Variants in GFI1B observed in about 807,000 individuals in gnomAD.
GFI1B encodes the protein zinc finger protein Gfi-1b.
GFI1B carries 20 observed loss-of-function variants against 35.3 expected under a neutral mutation model. That is an observed-to-expected ratio of 0.57 (90% CI 0.40 to 0.82). GFI1B has a LOEUF of 0.82. GFI1B is among the 40% of genes least tolerant of loss of function. The probability of loss-of-function intolerance (pLI) is 0.00; values close to 1 mark genes in which losing one functional copy is unlikely to be tolerated. For synonymous variants in GFI1B, 178 were observed against 177.6 expected, an observed-to-expected ratio of 1.00 and a Z score of -0.02; for missense variants, 430 against 446.3, an observed-to-expected ratio of 0.96 and a Z score of 0.33.
At chr9:132,959,317 C>T (rs1848330890) in intron 1 of GFI1B, among the ~76,000 whole-genome samples, 2 of 152,162 alleles carry the variant, frequency 1.3e-5, no homozygotes, top group Admixed American at 1.3e-4. Context: ...CTCCTTCCTG[C>T]CGCCACTTGA....
upstream of GFI1B, among the ~76,000 whole-genome samples, chr9:132,975,658 T>C (rs1333152731): frequency 6.6e-6 from 1 of 152,198 alleles, no homozygotes; most frequent in Non-Finnish European, 1.5e-5. Flanking sequence ...TGGTGCCTTG[T>C]TGTGGGCACT....
At chr9:132,987,556 G>A in intron 3 of GFI1B, 137 bp downstream of exon 3, 1 of 990,938 alleles carries the variant, frequency 1.0e-6, no homozygotes, top group Non-Finnish European at 1.5e-6. Context: ...CCCGGGCTCT[G>A]TGGCTTCTGC....
chr9:132,991,201 C>A lies in GFI1B; in HGVS notation c.*151C>A. ...TGAGACTCATGAAATTGCTGTGTGA[C>A]CTTGGGCAAGTCACTTACCCTGTCT... On this transcript the variant is annotated 3_prime_UTR_variant, in exon 7 of 7. Transcript: ENST00000372122. The A allele has an allele frequency of 1.4e-6, 1 of 719,166 alleles. No individual in the cohort carries two copies. The highest frequency in any genetic ancestry group is 2.4e-6 in the Non-Finnish European group (1 of 418,790). The allele number at this position is 719,166 out of a possible 1,614,324, so 44.5% of individuals were successfully genotyped here. A position where few individuals can be genotyped will look rare whatever the true frequency, so the allele number is the denominator to read the frequency against.
intron 1 of GFI1B, among the ~76,000 whole-genome samples, chr9:132,950,477 C>A (rs576285687): frequency 1.3e-5 from 2 of 151,272 alleles, no homozygotes; most frequent in African/African-American, 4.9e-5. Context: ...ATAAGAGGGC[C>A]CTTGAAACCT....
In GFI1B at chr9:132,971,132, G is replaced by A. The variant is rs114410779; in HGVS notation, c.-700-1593G>A. Reference sequence around the variant, plus strand: ...CTCCCACGTCAGTCCCCAAAGTGCTGGGATTATGGGTGTGAGCCACTGCGC... The same window carrying A: ...CTCCCACGTCAGTCCCCAAAGTGCTAGGATTATGGGTGTGAGCCACTGCGC... On this transcript the variant is annotated intron_variant, in intron 1 of 10. Coordinates refer to the GFI1B transcript ENST00000339463. Among the ~76,000 whole-genome samples the A allele has an allele frequency of 2.0e-3, 310 of 152,328 alleles. 2 individuals carry two copies. Among genetic ancestry groups the A allele is most frequent in the African/African-American group, 7.0e-3 (290 of 41,566 alleles).
chr9:132,991,924 G>GGGCGGTATCCGTTTCCTGT (rs1849307454), downstream of GFI1B, among the ~76,000 whole-genome samples: 1 of 152,102 alleles, frequency 6.6e-6, no homozygotes, highest in Non-Finnish European at 1.5e-5. Context: ...AGTGCAGCTG[G>GGGCGGTATCCGTTTCCTGT]GGCGGTATCC....
intron 1 of GFI1B, among the ~76,000 whole-genome samples, chr9:132,959,151 G>A (rs114275694): frequency 5.3e-5 from 8 of 152,256 alleles, no homozygotes; most frequent in South Asian, 2.1e-4. Context: ...CATCTTGAAC[G>A]GTAGTTCCCA....
chr9:132,987,445 T>TC (rs2132642873), intron 3 of GFI1B, 26 bp downstream of exon 3: 1 of 1,613,956 alleles, frequency 6.2e-7, no homozygotes, highest in East Asian at 2.2e-5. Context: ...CCACTGTCAT[T>TC]CCCCAGGGAG....
intron 1 of GFI1B, among the ~76,000 whole-genome samples, chr9:132,956,581 TA>T (rs1407163212): frequency 6.6e-6 from 1 of 152,234 alleles, no homozygotes; most frequent in African/African-American, 2.4e-5. Flanking sequence ...GTGCACCCTT[TA>T]AAATGTACCA....
Position 132,989,202 on chromosome 9 carries a change from G to T in GFI1B, c.648+4G>T, listed in dbSNP as rs200207746. ...GCACACGCACGTCCACTCCCAGGTG[G>T]GCACCTGGCCCAGCGCAGGACTCCC... On this transcript the variant is annotated splice_donor_region_variant and intron_variant, in intron 5 of 6. Transcript: ENST00000372122. The surrounding 1 kb of genome is among the most constrained non-coding windows in gnomAD (Gnocchi z 6.2). 71 of 1,611,322 alleles carry T rather than the reference G, an allele frequency of 4.4e-5. No individual in the cohort carries two copies. Among genetic ancestry groups the T allele is most frequent in the Non-Finnish European group, 5.9e-5 (70 of 1,178,876 alleles).
chr9:132,980,303 A>G (rs991398950), intron 1 of GFI1B, among the ~76,000 whole-genome samples: 2 of 152,134 alleles, frequency 1.3e-5, no homozygotes. Flanking sequence ...ACCCAGGGAA[A>G]ACAGCCTGAT....
intron 1 of GFI1B, chr9:132,972,659 A>G (rs572661815): frequency 1.3e-5 from 2 of 152,386 alleles, no homozygotes; most frequent in African/African-American, 2.4e-5. Flanking sequence ...AACTCTGATC[A>G]TATATTACTC....
At chr9:132,950,980 G>A (rs567291789) in intron 1 of GFI1B, among the ~76,000 whole-genome samples, 1 of 152,008 alleles carries the variant, frequency 6.6e-6, no homozygotes, top group South Asian at 2.1e-4. Context: ...TGGGACCACA[G>A]GAGTGTGGTA....
chr9:132,953,009 A>G (rs540612392), intron 1 of GFI1B: 71 of 152,188 alleles, frequency 4.7e-4, no homozygotes, highest in African/African-American at 1.6e-3. Flanking sequence ...TTTATTAAGG[A>G]TTTTTGCATT....
chr9:132,974,777 T>A (rs768962044), upstream of GFI1B, among the ~76,000 whole-genome samples: 10 of 149,092 alleles, frequency 6.7e-5, no homozygotes, highest in Non-Finnish European at 1.3e-4. Context: ...AAGACCTGGA[T>A]GACAAGAAGG....
chr9:132,962,296 C>T (rs1848379998), intron 1 of GFI1B, among the ~76,000 whole-genome samples: 1 of 151,954 alleles, frequency 6.6e-6, no homozygotes, highest in Admixed American at 6.6e-5. Context: ...AGCCACCATG[C>T]CTGGCTAATT....
At position 132,986,677 on chromosome 9, in the gene GFI1B, A is replaced by C. The variant is rs1564534703; in HGVS notation, c.-2A>C. On this transcript the variant is annotated 5_prime_UTR_variant, in exon 2 of 7. Coordinates refer to ENST00000372122, the MANE Select transcript of GFI1B (RefSeq NM_001377304.1). Reference sequence around the variant, plus strand: ...CTTGCAGGTGTGGGGTGCACACTGAAAATGCCACGCTCCTTCCTGGTGAAG... The same window carrying C: ...CTTGCAGGTGTGGGGTGCACACTGACAATGCCACGCTCCTTCCTGGTGAAG... 3 of 1,605,134 alleles carry C rather than the reference A, an allele frequency of 1.9e-6. No individual in the cohort carries two copies. The highest frequency in any genetic ancestry group is 2.6e-6 in the Non-Finnish European group (3 of 1,174,178).
intron 1 of GFI1B, among the ~76,000 whole-genome samples, chr9:132,983,820 C>T (rs992930367): frequency 3.9e-5 from 6 of 152,214 alleles, no homozygotes; most frequent in East Asian, 3.9e-4. Context: ...CATTCTGCAC[C>T]GAGTAACTGC....
intron 1 of GFI1B, among the ~76,000 whole-genome samples, chr9:132,966,510 G>A (rs1339205912): frequency 6.6e-6 from 1 of 152,206 alleles, no homozygotes; most frequent in African/African-American, 2.4e-5. Context: ...CCCAGCTAAT[G>A]AGAGAAAGCT....
Sources: allele counts gnomAD v4.1 joint callset (sites outside exome capture counted in the v4.1 genomes callset), GRCh38; gene constraint gnomAD v4.1.1; non-coding constraint Gnocchi (gnomAD v3.1); transcripts MANE v1.5; gene names NCBI Gene and HGNC (gene_info 2026-07-23, HGNC 2026-07-21).